Variants in PTPRN2 observed in about 807,000 individuals in gnomAD.
The protein encoded by PTPRN2 is protein tyrosine phosphatase receptor type N2.
In PTPRN2, 74 loss-of-function variants were observed where a neutral mutation model predicts 118.8. That is an observed-to-expected ratio of 0.62 (90% CI 0.52 to 0.76). PTPRN2 has a LOEUF of 0.76. PTPRN2 is among the 30% of genes least tolerant of loss of function. PTPRN2 has a pLI of 0.00. For synonymous variants in PTPRN2, 641 were observed against 608.0 expected (o/e 1.05, Z -0.80); for missense variants, 1,481 against 1,394.4 (o/e 1.06, Z -0.99).
Position 158,341,356 on chromosome 7 carries a change from TAA to T in PTPRN2, c.164-24426_164-24425del, listed in dbSNP as rs1563177295. On this transcript the variant is annotated intron_variant, in intron 2 of 22. Coordinates refer to ENST00000389418, the MANE Select transcript of PTPRN2 (RefSeq NM_002847.5). ...ACACCCACACTCTCACCATAAGAGG[TAA>T]CACATGCAGACGTCACTCACACCCA... Among the ~76,000 whole-genome samples, 782 of 146,988 alleles carry T rather than the reference TAA, an allele frequency of 5.3e-3. 2 individuals carry two copies. Among genetic ancestry groups the T allele is most frequent in the African/African-American group, 0.018 (712 of 38,594 alleles).
At chr7:157,730,546 C>G (rs2150938147) in intron 12 of PTPRN2, among the ~76,000 whole-genome samples, 1 of 152,310 alleles carries the variant, frequency 6.6e-6, no homozygotes, top group Admixed American at 6.5e-5. Flanking sequence ...AAAGGCTGGG[C>G]CATTTCCCCC....
intron 3 of PTPRN2, among the ~76,000 whole-genome samples, chr7:158,312,218 TCAC>T (rs1801845581): frequency 8.1e-5 from 1 of 12,372 alleles, no homozygotes; most frequent in Non-Finnish European, 2.8e-4. Context: ...ACACACGTGC[TCAC>T]AGACACCCAC....
intron 12 of PTPRN2, among the ~76,000 whole-genome samples, chr7:157,748,453 G>C (rs1368048796): frequency 1.1e-4 from 17 of 150,364 alleles, no homozygotes; most frequent in African/African-American, 4.2e-4. Flanking sequence ...TGAGCTGTGG[G>C]GTGTCTGGGT....
chr7:157,620,988 T>G, intron 15 of PTPRN2, among the ~76,000 whole-genome samples: 1 of 142,702 alleles, frequency 7.0e-6, no homozygotes, highest in Non-Finnish European at 1.5e-5. Context: ...GCATGGCCAG[T>G]TTCCCCCGCC....
At chr7:157,970,237 C>A (rs906670251) in intron 11 of PTPRN2, among the ~76,000 whole-genome samples, 1 of 152,194 alleles carries the variant, frequency 6.6e-6, no homozygotes, top group African/African-American at 2.4e-5. Context: ...TATGAACTCC[C>A]CAAGAGCTCA....
chr7:157,682,848 G>T lies in PTPRN2; in HGVS notation c.1878C>A (p.Ile626=), dbSNP rs745372702. Residue 626 remains isoleucine (I), a synonymous_variant, in exon 13 of 23, where the codon ATC becomes ATA. Coordinates refer to ENST00000389418, the MANE Select transcript of PTPRN2 (RefSeq NM_002847.5). Reference sequence around the variant, plus strand: ...GGCCAGAGGCCAGGAGGACGCCCAGGATGCAGGCGAGGGAGACCAGGGTGA... The same window carrying T: ...GGCCAGAGGCCAGGAGGACGCCCAGTATGCAGGCGAGGGAGACCAGGGTGA... ...IALTLVSLAC[I]LGVLLASGLI... 6.2e-7 allele frequency: 1 copy of T among 1,613,992 alleles called. No homozygotes were observed.
intron 15 of PTPRN2, among the ~76,000 whole-genome samples, chr7:157,605,475 G>A (rs1333363791): frequency 2.0e-5 from 3 of 152,214 alleles, no homozygotes; most frequent in African/African-American, 7.2e-5. Flanking sequence ...ACAGTGTGGC[G>A]AGCAGGGGGC....
At chr7:157,791,271 TTAAG>T (rs1357859094) in intron 12 of PTPRN2, among the ~76,000 whole-genome samples, 1 of 152,232 alleles carries the variant, frequency 6.6e-6, no homozygotes, top group Non-Finnish European at 1.5e-5. Context: ...TTCGTATTTG[TTAAG>T]TATTTTCAGC....
chr7:158,318,697 C>A (rs62479657), intron 2 of PTPRN2, among the ~76,000 whole-genome samples: 1 of 152,136 alleles, frequency 6.6e-6, no homozygotes, highest in African/African-American at 2.4e-5. Flanking sequence ...AGAGCAGTGA[C>A]GGTGCCGGCT....
chr7:157,630,744 C>T (rs749019283), intron 14 of PTPRN2, among the ~76,000 whole-genome samples: 7 of 152,110 alleles, frequency 4.6e-5, no homozygotes, highest in Non-Finnish European at 1.0e-4. Flanking sequence ...CTGGGTCATC[C>T]GTACAAAGCC....
intron 10 of PTPRN2, among the ~76,000 whole-genome samples, chr7:158,090,929 C>A (rs1196065000): frequency 1.3e-5 from 2 of 152,204 alleles, no homozygotes; most frequent in Non-Finnish European, 2.9e-5. Flanking sequence ...GGGCATGACA[C>A]TTTAACCACA....
rs1563514158 is a variant in PTPRN2, at chr7:158,148,992, A to ACCCCATCTCACGCCACACG, written c.911-10478_911-10477insCGTGTGGCGTGAGATGGGG. 1.5e-3 allele frequency among the ~76,000 whole-genome samples: 30 copies of ACCCCATCTCACGCCACACG among 19,546 alleles called. 6 individuals carry two copies. The highest frequency in any genetic ancestry group is 6.2e-3 in the African/African-American group (27 of 4,324). 12.8% of individuals were successfully genotyped at this position (19,546 alleles called of 152,430 possible). On this transcript the variant is annotated intron_variant, in intron 6 of 22. Transcript: ENST00000389418. ...AATGACACCCCATCTCACGCCACAC[A>ACCCCATCTCACGCCACACG]TCTTTCCCCCTCAATGACATCCCAT...
intron 3 of PTPRN2, among the ~76,000 whole-genome samples, chr7:158,258,467 C>T (rs1014261254): frequency 1.3e-5 from 2 of 152,248 alleles, no homozygotes; most frequent in African/African-American, 4.8e-5. Flanking sequence ...TGTGAGTACG[C>T]ACTCCATGTG....
At chr7:158,130,211 C>T (rs1325371523) in intron 9 of PTPRN2, among the ~76,000 whole-genome samples, 4 of 152,208 alleles carry the variant, frequency 2.6e-5, no homozygotes, top group African/African-American at 4.8e-5. Flanking sequence ...CTGCGAGGCT[C>T]GCAGAGCCCG....
At position 158,438,431 on chromosome 7, in the gene PTPRN2, C is replaced by T. The variant is rs770088543; in HGVS notation, c.163+51304G>A. Among the ~76,000 whole-genome samples, 3 of 151,994 alleles carry T rather than the reference C, an allele frequency of 2.0e-5. No homozygotes were observed. Among genetic ancestry groups the T allele is most frequent in the Non-Finnish European group, 2.9e-5 (2 of 68,006 alleles). On this transcript the variant is annotated intron_variant, in intron 2 of 22. Coordinates refer to ENST00000389418, the MANE Select transcript of PTPRN2 (RefSeq NM_002847.5). The surrounding 1 kb of genome is among the most constrained non-coding windows in gnomAD (Gnocchi z 4.7). ...AATAATTGTACATATTTATGGGCTA[C>T]GGTGTGATGTTTCAACACATATATA...
intron 12 of PTPRN2, among the ~76,000 whole-genome samples, chr7:157,696,891 G>A (rs1267403834): frequency 1.6e-3 from 124 of 75,174 alleles, no homozygotes; most frequent in South Asian, 2.6e-3. Context: ...AGCCCTCACC[G>A]TCTACCCATG....
In PTPRN2 at chr7:158,239,119, C is replaced by T. The variant is rs143832481; in HGVS notation, c.278-33846G>A. On this transcript the variant is annotated intron_variant, in intron 3 of 22. Coordinates refer to ENST00000389418, the MANE Select transcript of PTPRN2 (RefSeq NM_002847.5). ...CATCACCCCGGGGTGGGGGCCACCA[C>T]CATGCCCTGAGGACCGAGGGCCTTC... Among the ~76,000 whole-genome samples the T allele has an allele frequency of 6.6e-3, 998 of 152,308 alleles. 29 individuals are homozygous for T. The highest frequency in any genetic ancestry group is 0.052 in the Admixed American group (791 of 15,306).
intron 12 of PTPRN2, among the ~76,000 whole-genome samples, chr7:157,820,057 CACAT>C (rs933176471): frequency 1.5e-4 from 22 of 150,628 alleles, no homozygotes; most frequent in African/African-American, 5.4e-4. Context: ...CACCACCACA[CACAT>C]ACAGCAGATC....
rs1484513428 is a variant in PTPRN2 at position 157,764,770 on chromosome 7, G to A, written c.1789-81833C>T. On this transcript the variant is annotated intron_variant, in intron 12 of 22. Transcript: ENST00000389418. The surrounding 1 kb of genome is among the most constrained non-coding windows in gnomAD (Gnocchi z 4.5). ...AAAAAATAAAAGAGTGAGAGACTGC[G>A]TGCCTGGCATACAGCAGGGGACAGG... Among the ~76,000 whole-genome samples, 4 of 152,086 alleles carry A rather than the reference G, an allele frequency of 2.6e-5. No homozygotes were observed. Among genetic ancestry groups the A allele is most frequent in the Non-Finnish European group, 4.4e-5 (3 of 68,020 alleles).
Sources: gnomAD v4.1 joint callset for allele counts (sites outside exome capture counted in the v4.1 genomes callset) on GRCh38, gnomAD v4.1.1 for gene constraint, Gnocchi (gnomAD v3.1) non-coding constraint, MANE v1.5 for transcripts, NCBI Gene and HGNC (gene_info 2026-07-23, HGNC 2026-07-21) for gene names.